Variants in SHROOM3 observed in about 807,000 individuals in gnomAD.
SHROOM3 encodes the protein protein Shroom3.
A neutral mutation model predicts 138.6 loss-of-function variants in SHROOM3; 47 were observed. The ratio of observed to expected loss-of-function variants is 0.34; its 90% CI spans 0.27 to 0.43. The LOEUF (loss-of-function observed/expected upper bound fraction) is 0.43. Among genes scored for constraint, SHROOM3 ranks in the 20% least tolerant of loss-of-function variants. The probability of loss-of-function intolerance (pLI) is 1.00; values close to 1 mark genes in which losing one functional copy is unlikely to be tolerated. For synonymous variants in SHROOM3, 1,062 were observed against 1,063.3 expected, an observed-to-expected ratio of 1.00 and a Z score of 0.02; for missense variants, 2,491 against 2,596.5, an observed-to-expected ratio of 0.96 and a Z score of 0.88.
chr4:76,495,107 C>T (rs958058559), intron 1 of SHROOM3, among the ~76,000 whole-genome samples: 16 of 152,198 alleles, frequency 1.1e-4, no homozygotes, highest in African/African-American at 3.6e-4. Context: ...TGATAGATCA[C>T]ACTGGGTTAG....
chr4:76,761,115 T>C (rs977532371), intron 9 of SHROOM3, among the ~76,000 whole-genome samples: 1 of 152,142 alleles, frequency 6.6e-6, no homozygotes, highest in African/African-American at 2.4e-5. Flanking sequence ...GCTTGCTGTA[T>C]GATTGTATGC....
At chr4:76,480,465 C>A (rs1164866981) in intron 1 of SHROOM3, among the ~76,000 whole-genome samples, 4 of 152,200 alleles carry the variant, frequency 2.6e-5, no homozygotes, top group Non-Finnish European at 4.4e-5. Context: ...GCACCCAATA[C>A]AGGAGCACCC....
At chr4:76,469,224 G>A (rs935191230) in intron 1 of SHROOM3, among the ~76,000 whole-genome samples, 2 of 151,982 alleles carry the variant, frequency 1.3e-5, no homozygotes, top group Admixed American at 1.3e-4. Context: ...CATTTAATAA[G>A]CATTTCAATT....
chr4:76,736,198 C>A (rs1721067082), intron 4 of SHROOM3, among the ~76,000 whole-genome samples: 1 of 151,868 alleles, frequency 6.6e-6, no homozygotes, highest in African/African-American at 2.4e-5. Flanking sequence ...TTTAGTAGGA[C>A]CTCTTTATTT....
intron 1 of SHROOM3, among the ~76,000 whole-genome samples, chr4:76,503,815 T>C (rs1732149929): frequency 6.6e-6 from 1 of 152,242 alleles, no homozygotes; most frequent in African/African-American, 2.4e-5. Flanking sequence ...TTGGTAGATA[T>C]CCTTTATTAG....
At position 76,741,176 on chromosome 4, in the gene SHROOM3, T is replaced by TGCC. The variant is rs1272082843; in HGVS notation, c.3007_3009dup (p.Ala1003dup). 1.9e-6 allele frequency: 3 copies of TGCC among 1,588,802 alleles called. No homozygotes were observed. The highest frequency in any genetic ancestry group is 2.6e-6 in the Non-Finnish European group (3 of 1,168,836). On this transcript the variant is annotated inframe_insertion, in exon 5 of 11. Coordinates refer to ENST00000296043, the MANE Select transcript of SHROOM3 (RefSeq NM_020859.4). The surrounding 1 kb of genome is among the most constrained non-coding windows in gnomAD (Gnocchi z 6.2). ...GCGACCTGGCCAGGCCCGTGCCCCC[T>TGCC]GCCGCCCGGAGAGGTGCTCGCCGGC...
intron 1 of SHROOM3, among the ~76,000 whole-genome samples, chr4:76,484,015 A>G (rs1731675399): frequency 6.6e-6 from 1 of 152,086 alleles, no homozygotes; most frequent in South Asian, 2.1e-4. Flanking sequence ...TAGGGGAGGG[A>G]TAGCATTAGG....
chr4:76,767,676 C>T (rs546163836), intron 9 of SHROOM3, among the ~76,000 whole-genome samples: 1 of 152,078 alleles, frequency 6.6e-6, no homozygotes, highest in East Asian at 1.9e-4. Flanking sequence ...GAAACTCCAT[C>T]TCAAAAAAAC....
At chr4:76,576,475 A>G (rs1733942590) in intron 2 of SHROOM3, among the ~76,000 whole-genome samples, 1 of 152,178 alleles carries the variant, frequency 6.6e-6, no homozygotes, top group Admixed American at 6.5e-5. Context: ...GGACACAGAG[A>G]GTAGAAGGAT....
At chr4:76,515,174 C>T (rs1251426957) in intron 1 of SHROOM3, among the ~76,000 whole-genome samples, 1 of 150,432 alleles carries the variant, frequency 6.6e-6, no homozygotes, top group Non-Finnish European at 1.5e-5. Context: ...GAGATCACGC[C>T]TCTGCACTCC....
chr4:76,681,591 T>TGGGG (rs1719193548), intron 2 of SHROOM3, among the ~76,000 whole-genome samples: 1 of 22,258 alleles, frequency 4.5e-5, no homozygotes, highest in African/African-American at 1.8e-4. Flanking sequence ...AGGCAGAGTC[T>TGGGG]AGGGTGTGTG....
chr4:76,712,010 C>T (rs549702152), intron 3 of SHROOM3, among the ~76,000 whole-genome samples: 117 of 152,024 alleles, frequency 7.7e-4, no homozygotes, highest in Non-Finnish European at 1.4e-3. Flanking sequence ...GCAGAAGCTC[C>T]GAGGTTATCA....
Position 76,740,526 on chromosome 4 carries a change from G to A in SHROOM3, c.2353G>A (p.Val785Ile). The A allele has an allele frequency of 6.2e-7, 1 of 1,614,064 alleles. No homozygotes were observed. The highest frequency in any genetic ancestry group is 8.5e-7 in the Non-Finnish European group (1 of 1,179,992). The change falls in exon 5 of 11, where the codon GTC (valine) becomes ATC (isoleucine). Residue 785 changes from valine (V) to isoleucine (I), a missense_variant. Coordinates refer to ENST00000296043, the MANE Select transcript of SHROOM3 (RefSeq NM_020859.4). The surrounding 1 kb of genome is among the most constrained non-coding windows in gnomAD (Gnocchi z 4.0). Reference protein sequence around the residue: ...GKPHCSVLEKVSKFEQREQGS... With the variant: ...GKPHCSVLEKISKFEQREQGS... ...GCCCCACTGCTCGGTGCTGGAGAAG[G>A]TCTCCAAATTCGAGCAGCGAGAGCA...
At position 76,779,365 on chromosome 4, in the gene SHROOM3, G is replaced by A; in HGVS notation, c.*188G>A. 1.5e-6 allele frequency: 1 copy of A among 677,988 alleles called. No individual in the cohort carries two copies. Among genetic ancestry groups the A allele is most frequent in the Non-Finnish European group, 2.4e-6 (1 of 415,154 alleles). The allele number at this position is 677,988 out of a possible 1,614,324, so 42.0% of individuals were successfully genotyped here. A position where few individuals can be genotyped will look rare whatever the true frequency, so the allele number is the denominator to read the frequency against. ...GCCCTTCCTGATTGATCTTCTGAGA[G>A]CTCGAATGCTGCTGGACACGTACCC... On this transcript the variant is annotated 3_prime_UTR_variant, in exon 11 of 11. Transcript: ENST00000296043.
chr4:76,712,133 C>T (rs1404284027), intron 3 of SHROOM3, among the ~76,000 whole-genome samples: 1 of 152,196 alleles, frequency 6.6e-6, no homozygotes, highest in Non-Finnish European at 1.5e-5. Context: ...TGCCAAAGCT[C>T]AAGGCCAGAA....
intron 3 of SHROOM3, among the ~76,000 whole-genome samples, chr4:76,728,824 A>G (rs1281602378): frequency 6.6e-6 from 1 of 152,112 alleles, no homozygotes; most frequent in African/African-American, 2.4e-5. Flanking sequence ...GGCTGTGACC[A>G]TGGTAAGTCT....
intron 2 of SHROOM3, among the ~76,000 whole-genome samples, chr4:76,631,885 A>G (rs991389395): frequency 6.6e-6 from 1 of 152,146 alleles, no homozygotes; most frequent in African/African-American, 2.4e-5. Flanking sequence ...ATCTAAGGAG[A>G]TGGTGGTAGC....
chr4:76,748,506 G>A lies in SHROOM3; in HGVS notation c.3754-511G>A, dbSNP rs1342252299. On this transcript the variant is annotated intron_variant, in intron 5 of 10. Coordinates refer to ENST00000296043, the MANE Select transcript of SHROOM3 (RefSeq NM_020859.4). ...CCAGAGTTATTGATCTCACATGTGAGTGAACTTTTTCCTAGAATTTATTGC... is the reference window on the plus strand; with the variant it reads ...CCAGAGTTATTGATCTCACATGTGAATGAACTTTTTCCTAGAATTTATTGC... Among the ~76,000 whole-genome samples, 3 of 152,160 alleles carry A rather than the reference G, an allele frequency of 2.0e-5. No homozygotes were observed. In the East Asian group the frequency reaches 5.8e-4, roughly 29 times the overall value.
chr4:76,615,839 A>G (rs1734863324), intron 2 of SHROOM3, among the ~76,000 whole-genome samples: 1 of 152,230 alleles, frequency 6.6e-6, no homozygotes, highest in Non-Finnish European at 1.5e-5. Flanking sequence ...ATGTGTACAA[A>G]TATGAGTGGT....
Sources: allele counts gnomAD v4.1 joint callset (sites outside exome capture counted in the v4.1 genomes callset), GRCh38; gene constraint gnomAD v4.1.1; non-coding constraint Gnocchi (gnomAD v3.1); transcripts MANE v1.5; gene names NCBI Gene and HGNC (gene_info 2026-07-23, HGNC 2026-07-21).